Variants in RANBP17 observed in about 807,000 individuals in gnomAD.
RANBP17 encodes ran-binding protein 17.
Under a neutral mutation model 141.2 loss-of-function variants are expected in RANBP17, and 158 were observed. The ratio of observed to expected loss-of-function variants is 1.12; its 90% CI spans 0.98 to 1.28. RANBP17 has a LOEUF of 1.28. RANBP17 is among the 50% of genes most tolerant of loss of function. RANBP17 has a pLI of 0.00. For missense variants in RANBP17, 1,438 were observed against 1,290.7 expected (o/e 1.11, Z -1.75); for synonymous variants, 430 against 450.0 (o/e 0.96, Z 0.56).
intron 22 of RANBP17, among the ~76,000 whole-genome samples, chr5:171,236,408 C>A (rs920739931): frequency 6.6e-6 from 1 of 152,060 alleles, no homozygotes; most frequent in Non-Finnish European, 1.5e-5. Context: ...TATTTTGAGG[C>A]GTAGCAAATT....
At chr5:171,141,895 G>T (rs1298851688) in intron 14 of RANBP17, among the ~76,000 whole-genome samples, 1 of 151,876 alleles carries the variant, frequency 6.6e-6, no homozygotes, top group Non-Finnish European at 1.5e-5. Context: ...TATCCATCTT[G>T]GGTTTTATAT....
intron 14 of RANBP17, among the ~76,000 whole-genome samples, chr5:171,149,373 C>T (rs563110596): frequency 6.6e-6 from 1 of 152,310 alleles, no homozygotes; most frequent in Non-Finnish European, 1.5e-5. Context: ...GAACTGTTTC[C>T]TATCTTGGGT....
intron 14 of RANBP17, among the ~76,000 whole-genome samples, chr5:171,090,966 G>C (rs1189222430): frequency 6.6e-6 from 1 of 152,216 alleles, no homozygotes; most frequent in Non-Finnish European, 1.5e-5. Context: ...ACCTCTGCTA[G>C]GGCAGTGCAG....
chr5:171,264,702 G>C (rs1437900550), intron 24 of RANBP17, among the ~76,000 whole-genome samples: 1 of 152,146 alleles, frequency 6.6e-6, no homozygotes, highest in Non-Finnish European at 1.5e-5. Flanking sequence ...AACTCTGCAA[G>C]GTCTTTTATA....
intron 24 of RANBP17, among the ~76,000 whole-genome samples, chr5:171,248,099 G>A (rs1342176617): frequency 2.6e-5 from 4 of 152,196 alleles, no homozygotes; most frequent in Non-Finnish European, 4.4e-5. Flanking sequence ...GGGCGCGTTG[G>A]CTAACGCCTG....
chr5:171,120,656 C>G (rs1351872423), intron 14 of RANBP17, among the ~76,000 whole-genome samples: 1 of 152,196 alleles, frequency 6.6e-6, no homozygotes, highest in African/African-American at 2.4e-5. Flanking sequence ...TCTTGTATCT[C>G]ACTGAGTTTT....
chr5:171,005,063 C>T (rs887874355), intron 14 of RANBP17, among the ~76,000 whole-genome samples: 1 of 151,986 alleles, frequency 6.6e-6, no homozygotes, highest in Non-Finnish European at 1.5e-5. Context: ...GGTTTGAGGG[C>T]CGGATTCCAA....
intron 14 of RANBP17, among the ~76,000 whole-genome samples, chr5:171,031,451 A>G (rs1261612334): frequency 6.6e-6 from 1 of 152,018 alleles, no homozygotes; most frequent in Non-Finnish European, 1.5e-5. Flanking sequence ...TTTACCTGTT[A>G]AGTAAAATAT....
At chr5:171,153,013 G>T (rs1758599359) in intron 14 of RANBP17, among the ~76,000 whole-genome samples, 1 of 152,168 alleles carries the variant, frequency 6.6e-6, no homozygotes, top group African/African-American at 2.4e-5. Flanking sequence ...AGCATTTTAT[G>T]CTCTGTGTCC....
intron 14 of RANBP17, among the ~76,000 whole-genome samples, chr5:171,160,037 C>A (rs912646405): frequency 1.5e-4 from 22 of 151,530 alleles, no homozygotes; most frequent in Non-Finnish European, 4.4e-5. Context: ...TCTACTTACT[C>A]AGTGAGTTGA....
intron 18 of RANBP17, among the ~76,000 whole-genome samples, chr5:171,186,558 A>G (rs1397298576): frequency 6.6e-5 from 1 of 15,244 alleles, no homozygotes; most frequent in African/African-American, 1.4e-4. Flanking sequence ...TTTTTTTGAG[A>G]CGGAGTCTCG....
chr5:171,079,335 T>G (rs1489074743), intron 14 of RANBP17, among the ~76,000 whole-genome samples: 2 of 152,226 alleles, frequency 1.3e-5, no homozygotes, highest in Admixed American at 6.5e-5. Context: ...AATCTACTTG[T>G]GGTGAAGATG....
chr5:171,015,377 G>A (rs1780356098), intron 14 of RANBP17, among the ~76,000 whole-genome samples: 1 of 152,004 alleles, frequency 6.6e-6, no homozygotes, highest in African/African-American at 2.4e-5. Flanking sequence ...TGTTGCTGTT[G>A]ATAAGTTTAC....
rs536720534 is a variant in RANBP17 at position 171,117,825 on chromosome 5, G to A, written c.1711-52305G>A. ...CCATTTTCTAATTGGATTATATGTGGGGTTTTGTTGTTGTTGTTGTTGTTG... is the reference window on the plus strand; with the variant it reads ...CCATTTTCTAATTGGATTATATGTGAGGTTTTGTTGTTGTTGTTGTTGTTG... On this transcript the variant is annotated intron_variant, in intron 14 of 27. Coordinates refer to ENST00000523189, the MANE Select transcript of RANBP17 (RefSeq NM_022897.5). Among the ~76,000 whole-genome samples the A allele has an allele frequency of 1.6e-3, 192 of 121,384 alleles. No homozygotes were observed. The South Asian group carries it at 0.024, about 15-fold the overall frequency. The allele number at this position is 121,384 out of a possible 152,430, so 79.6% of individuals were successfully genotyped here. A position where few individuals can be genotyped will look rare whatever the true frequency, so the allele number is the denominator to read the frequency against.
At chr5:171,199,813 T>C (rs201763892) in intron 19 of RANBP17, 40 bp downstream of exon 19, 1 of 1,262,574 alleles carries the variant, frequency 7.9e-7, no homozygotes, top group South Asian at 1.3e-5. Context: ...CAGTTTTGTT[T>C]TTTCTAGGAT....
intron 14 of RANBP17, among the ~76,000 whole-genome samples, chr5:171,039,864 A>T (rs895266364): frequency 1.3e-5 from 2 of 152,170 alleles, no homozygotes; most frequent in African/African-American, 4.8e-5. Flanking sequence ...TTGACATTTG[A>T]AATTGAATCA....
chr5:170,889,378 T>C (rs1370656663), intron 3 of RANBP17, among the ~76,000 whole-genome samples: 1 of 152,118 alleles, frequency 6.6e-6, no homozygotes, highest in Non-Finnish European at 1.5e-5. Context: ...TCTAAAAGAC[T>C]ATCTACAAGT....
intron 5 of RANBP17, among the ~76,000 whole-genome samples, chr5:170,901,172 G>A (rs1160166949): frequency 6.6e-6 from 1 of 152,154 alleles, no homozygotes; most frequent in Admixed American, 6.5e-5. Flanking sequence ...CTAAGAACTT[G>A]CTTTATGAAT....
intron 24 of RANBP17, among the ~76,000 whole-genome samples, chr5:171,262,352 A>G (rs1766389938): frequency 6.6e-6 from 1 of 152,216 alleles, no homozygotes; most frequent in African/African-American, 2.4e-5. Context: ...TTTTCCATTT[A>G]TACTATGCTA....
Sources: gnomAD v4.1 joint callset for allele counts (sites outside exome capture counted in the v4.1 genomes callset) on GRCh38, gnomAD v4.1.1 for gene constraint, MANE v1.5 for transcripts, NCBI Gene and HGNC (gene_info 2026-07-23, HGNC 2026-07-21) for gene names.